Variants in LUC7L observed in about 807,000 individuals in gnomAD.
LUC7L encodes putative RNA-binding protein Luc7-like 1.
LUC7L carries 29 observed loss-of-function variants against 51.1 expected under a neutral mutation model. That is an observed-to-expected ratio of 0.57 (90% CI 0.42 to 0.77). LUC7L has a LOEUF of 0.77. Among genes scored for constraint, LUC7L ranks in the 30% least tolerant of loss-of-function variants. LUC7L has a pLI of 0.00. For missense variants in LUC7L, 403 were observed against 511.9 expected, an observed-to-expected ratio of 0.79 and a Z score of 2.05; for synonymous variants, 181 against 180.7, an observed-to-expected ratio of 1.00 and a Z score of -0.01.
chr16:226,617 G>A (rs1427520019), intron 2 of LUC7L, among the ~76,000 whole-genome samples: 1 of 152,092 alleles, frequency 6.6e-6, no homozygotes, highest in African/African-American at 2.4e-5. Flanking sequence ...AAAATTGCGG[G>A]AAGAAAATGT....
In LUC7L at chr16:226,961, C is replaced by G. The variant is rs569368525; in HGVS notation, c.156+281G>C. On this transcript the variant is annotated intron_variant, in intron 2 of 9. Coordinates refer to ENST00000293872, the MANE Select transcript of LUC7L (RefSeq NM_201412.3). ...CAGTGGCTCATGCCTGTAGTACCAG[C>G]TGCTCAAGAGGCTGAGGTGGTAGGA... Among the ~76,000 whole-genome samples the G allele has an allele frequency of 3.9e-5, 6 of 152,274 alleles. No homozygotes were observed. In the South Asian group the frequency reaches 1.2e-3, roughly 32 times the overall value.
chr16:220,994 T>C lies in LUC7L; in HGVS notation c.157-247A>G, dbSNP rs146462316. Among the ~76,000 whole-genome samples the C allele has an allele frequency of 7.2e-3, 1,095 of 152,264 alleles. 16 individuals carry two copies. Among genetic ancestry groups the C allele is most frequent in the African/African-American group, 0.025 (1,050 of 41,566 alleles). On this transcript the variant is annotated intron_variant, in intron 2 of 9. Transcript: ENST00000293872. ...GTTTCTATTTTAGACCCAGAGATAATTGGACTGTAATCATCACAACTACAT... is the reference window on the plus strand; with the variant it reads ...GTTTCTATTTTAGACCCAGAGATAACTGGACTGTAATCATCACAACTACAT...
intron 3 of LUC7L, among the ~76,000 whole-genome samples, chr16:211,951 G>C (rs1748489802): frequency 6.6e-6 from 1 of 152,210 alleles, no homozygotes; most frequent in Non-Finnish European, 1.5e-5. Context: ...TGTCACAGCA[G>C]ACAGGTGCCC....
At chr16:218,476 T>C (rs1174134548) in intron 3 of LUC7L, among the ~76,000 whole-genome samples, 1 of 152,144 alleles carries the variant, frequency 6.6e-6, no homozygotes, top group Non-Finnish European at 1.5e-5. Flanking sequence ...AACCCAGCAC[T>C]TTGGGAGAGT....
chr16:221,204 T>G, intron 2 of LUC7L, among the ~76,000 whole-genome samples: 1 of 145,418 alleles, frequency 6.9e-6, no homozygotes. Context: ...TTTTTTTTTT[T>G]TTTTTTTTTT....
intron 3 of LUC7L, chr16:220,121 C>A (rs1339034868): frequency 6.6e-6 from 1 of 152,246 alleles, no homozygotes; most frequent in Non-Finnish European, 1.5e-5. Context: ...AACCAGCAAT[C>A]CCTCTCCTAG....
chr16:228,790 G>A, intron 1 of LUC7L: 2 of 1,287,078 alleles, frequency 1.6e-6, no homozygotes, highest in Non-Finnish European at 1.0e-6. Flanking sequence ...AGAAACCCAC[G>A]TTAGAAAAGC....
rs533786362 is a variant in LUC7L at position 189,843 on chromosome 16, C to A, written c.974+125G>T. On this transcript the variant is annotated intron_variant, in intron 9 of 9. Coordinates refer to ENST00000293872, the MANE Select transcript of LUC7L (RefSeq NM_201412.3). ...CCACACCTGAGTCCCGTTCACGACT[C>A]CCCAGCCCTACTCCTGAGGGTGAGC... 16 of 1,474,642 alleles carry A rather than the reference C, an allele frequency of 1.1e-5. No homozygotes were observed. In the African/African-American group the frequency reaches 2.1e-4, roughly 19 times the overall value. The allele number at this position is 1,474,642 out of a possible 1,614,324, so 91.3% of individuals were successfully genotyped here. A position where few individuals can be genotyped will look rare whatever the true frequency, so the allele number is the denominator to read the frequency against.
At chr16:215,165 C>G (rs540259146) in intron 3 of LUC7L, among the ~76,000 whole-genome samples, 5 of 152,216 alleles carry the variant, frequency 3.3e-5, no homozygotes, top group Admixed American at 6.5e-5. Context: ...ACATTCCCAA[C>G]AGTGGAATTC....
chr16:219,684 T>C (rs2049911276), intron 3 of LUC7L, among the ~76,000 whole-genome samples: 1 of 151,754 alleles, frequency 6.6e-6, no homozygotes. Flanking sequence ...ACCAGCCTGA[T>C]CAACATGGAG....
At chr16:211,023 A>ACTGTGT in intron 3 of LUC7L, among the ~76,000 whole-genome samples, 1 of 150,324 alleles carries the variant, frequency 6.7e-6, no homozygotes, top group South Asian at 2.1e-4. Context: ...ACTGCACTCC[A>ACTGTGT]GCCTGGGTGA....
intron 9 of LUC7L, 158 bp downstream of exon 9, chr16:189,810 G>T: frequency 7.0e-7 from 1 of 1,433,634 alleles, no homozygotes. Context: ...CAGCCCTCTC[G>T]CCTCTTCCCA....
chr16:200,520 G>A (rs2049294011), intron 5 of LUC7L, among the ~76,000 whole-genome samples: 1 of 151,704 alleles, frequency 6.6e-6, no homozygotes, highest in Non-Finnish European at 1.5e-5. Flanking sequence ...AGGTTGCAGT[G>A]AGCTGAGATC....
At chr16:197,629 C>T (rs2049189057) in intron 6 of LUC7L, among the ~76,000 whole-genome samples, 1 of 152,258 alleles carries the variant, frequency 6.6e-6, no homozygotes, top group South Asian at 2.1e-4. Flanking sequence ...GACCAGTGGC[C>T]GAGAATAACC....
chr16:228,397 C>G, intron 1 of LUC7L: 1 of 1,300,634 alleles, frequency 7.7e-7, no homozygotes, highest in Non-Finnish European at 1.0e-6. Flanking sequence ...CAAAGATACA[C>G]TGAACCTTTA....
chr16:201,172 A>G (rs1463514747), intron 5 of LUC7L, among the ~76,000 whole-genome samples: 4 of 145,346 alleles, frequency 2.8e-5, no homozygotes, highest in African/African-American at 7.8e-5. Flanking sequence ...CTGTCTGAGA[A>G]AAAAAAAAAA....
At chr16:204,811 G>A (rs769704750) in intron 5 of LUC7L, among the ~76,000 whole-genome samples, 2 of 152,002 alleles carry the variant, frequency 1.3e-5, no homozygotes, top group Non-Finnish European at 1.5e-5. Context: ...TGCCTTCTTG[G>A]GAGCATTTTC....
chr16:216,008 G>GT (rs376983590), intron 3 of LUC7L, among the ~76,000 whole-genome samples: 6,919 of 148,124 alleles, frequency 0.047, 217 homozygotes, highest in Non-Finnish European at 0.069. Context: ...CCGGTTTACT[G>GT]TTTTTTTTTT....
At chr16:206,398 G>A (rs994168449) in intron 4 of LUC7L, among the ~76,000 whole-genome samples, 3 of 152,152 alleles carry the variant, frequency 2.0e-5, no homozygotes, top group Non-Finnish European at 4.4e-5. Flanking sequence ...ATTGGTCATT[G>A]TCTAGGCTGT....
Sources: gnomAD v4.1 joint callset for allele counts (sites outside exome capture counted in the v4.1 genomes callset) on GRCh38, gnomAD v4.1.1 for gene constraint, MANE v1.5 for transcripts, NCBI Gene and HGNC (gene_info 2026-07-23, HGNC 2026-07-21) for gene names.